CDH4: variants seen among roughly 807,000 people sequenced by gnomAD.
CDH4 encodes cadherin-4.
CDH4 carries 33 observed loss-of-function variants against 86.0 expected under a neutral mutation model. The observed-to-expected ratio is 0.38, with a 90% confidence interval of 0.29 to 0.51. The LOEUF is 0.51. Among genes scored for constraint, CDH4 ranks in the 20% least tolerant of loss-of-function variants. The pLI is 0.86. For synonymous variants in CDH4, 555 were observed against 549.4 expected (o/e 1.01, Z -0.14); for missense variants, 1,114 against 1,307.4 (o/e 0.85, Z 2.28).
chr20:61,268,173 G>A (rs946520729), intron 2 of CDH4, among the ~76,000 whole-genome samples: 9 of 152,256 alleles, frequency 5.9e-5, no homozygotes, highest in African/African-American at 1.9e-4. Context: ...GAATGGGAGC[G>A]GGCCTGGCTG....
chr20:61,421,128 G>A lies in CDH4; in HGVS notation c.169+166191G>A, dbSNP rs77787070. 4.3e-3 allele frequency among the ~76,000 whole-genome samples: 656 copies of A among 152,314 alleles called. 3 individuals carry two copies. Among genetic ancestry groups the A allele is most frequent in the African/African-American group, 0.015 (628 of 41,582 alleles). Reference sequence around the variant, plus strand: ...GGTCCTTGCAATGGGAGCCCTTACAGCCCTTTTCCGTGGGGACCCTGGCTG... The same window carrying A: ...GGTCCTTGCAATGGGAGCCCTTACAACCCTTTTCCGTGGGGACCCTGGCTG... On this transcript the variant is annotated intron_variant, in intron 2 of 15. Transcript: ENST00000614565.
intron 2 of CDH4, among the ~76,000 whole-genome samples, chr20:61,493,672 A>G (rs750272435): frequency 5.9e-5 from 9 of 152,168 alleles, no homozygotes; most frequent in Non-Finnish European, 1.3e-4. Flanking sequence ...TCTTGGGGCT[A>G]GTGGTCTTGT....
chr20:61,266,564 C>T (rs2084159349), intron 2 of CDH4, among the ~76,000 whole-genome samples: 1 of 151,854 alleles, frequency 6.6e-6, no homozygotes, highest in South Asian at 2.1e-4. Flanking sequence ...CCGACTTCCG[C>T]TTCCAGGAAG....
rs117528754 is a variant in CDH4, at chr20:61,828,996, A to G, written c.577-15672A>G. Among the ~76,000 whole-genome samples the G allele has an allele frequency of 7.2e-3, 1,089 of 152,048 alleles. 37 individuals are homozygous for G. The East Asian group carries it at 0.073, about 10-fold the overall frequency. On this transcript the variant is annotated intron_variant, in intron 4 of 15. Coordinates refer to ENST00000614565, the MANE Select transcript of CDH4 (RefSeq NM_001794.5). ...ATGCGCAGGTCACAACAGGGTCCAC[A>G]CTCCTGTGAGAGTCTAATGCCACCA...
chr20:61,724,955 A>G (rs577453079), intron 2 of CDH4, among the ~76,000 whole-genome samples: 1 of 152,224 alleles, frequency 6.6e-6, no homozygotes, highest in East Asian at 1.9e-4. Flanking sequence ...AACAAAAATA[A>G]TTAAAAATGA....
intron 2 of CDH4, among the ~76,000 whole-genome samples, chr20:61,682,354 A>ATGGATGGATGGATGGATGG (rs1355841988): frequency 3.0e-5 from 4 of 132,500 alleles, no homozygotes; most frequent in African/African-American, 1.3e-4. Flanking sequence ...AGATAGATGA[A>ATGGATGGATGGATGGATGG]TGGATGGATG....
At position 61,284,591 on chromosome 20, in the gene CDH4, C is replaced by A. The variant is rs201309452; in HGVS notation, c.169+29654C>A. Among the ~76,000 whole-genome samples the A allele has an allele frequency of 5.3e-5, 8 of 152,336 alleles. No homozygotes were observed. In the East Asian group the frequency reaches 1.5e-3, roughly 29 times the overall value. ...GTGTTTAACATATGCCCAACACATA[C>A]TTATAACATATGCCTAGCATGTGCT... On this transcript the variant is annotated intron_variant, in intron 2 of 15. Coordinates refer to ENST00000614565, the MANE Select transcript of CDH4 (RefSeq NM_001794.5).
chr20:61,574,812 G>A (rs550562449), intron 2 of CDH4, among the ~76,000 whole-genome samples: 2 of 152,260 alleles, frequency 1.3e-5, no homozygotes, highest in Admixed American at 6.5e-5. Context: ...CAAGTCCAGG[G>A]TTCTCATAGA....
chr20:61,809,898 G>A (rs1269847716), intron 4 of CDH4, among the ~76,000 whole-genome samples: 2 of 152,148 alleles, frequency 1.3e-5, no homozygotes, highest in African/African-American at 4.8e-5. Flanking sequence ...AGACCGTGGT[G>A]AAGAGCGTGT....
chr20:61,523,349 G>A (rs2085886917), intron 2 of CDH4, among the ~76,000 whole-genome samples: 1 of 152,238 alleles, frequency 6.6e-6, no homozygotes, highest in African/African-American at 2.4e-5. Flanking sequence ...TCTCTTGTCA[G>A]GTGACCATGC....
intron 2 of CDH4, among the ~76,000 whole-genome samples, chr20:61,506,806 G>A (rs2085744339): frequency 6.6e-6 from 1 of 152,142 alleles, no homozygotes; most frequent in Non-Finnish European, 1.5e-5. Flanking sequence ...GGAACTGCTG[G>A]GAGAAAGGAG....
At chr20:61,307,495 C>T (rs557318409) in intron 2 of CDH4, among the ~76,000 whole-genome samples, 1 of 152,376 alleles carries the variant, frequency 6.6e-6, no homozygotes, top group South Asian at 2.1e-4. Context: ...TACTAGGTCT[C>T]TGCCTAGGGG....
intron 9 of CDH4, among the ~76,000 whole-genome samples, chr20:61,922,169 C>T (rs989971666): frequency 1.3e-5 from 2 of 152,226 alleles, no homozygotes; most frequent in Admixed American, 1.3e-4. Context: ...GCAATGAATA[C>T]TCTTATGCAT....
At chr20:61,836,930 A>G (rs1412527961) in intron 4 of CDH4, among the ~76,000 whole-genome samples, 1 of 152,272 alleles carries the variant, frequency 6.6e-6, no homozygotes, top group Middle Eastern at 3.2e-3. Context: ...ACACTGGCCC[A>G]TGCCTATAAT....
In CDH4 at chr20:61,709,745, T is replaced by A. The variant is rs575803316; in HGVS notation, c.170-33818T>A. Among the ~76,000 whole-genome samples the A allele has an allele frequency of 6.6e-5, 10 of 152,294 alleles. No individual in the cohort carries two copies. Among genetic ancestry groups the A allele is most frequent in the African/African-American group, 2.2e-4 (9 of 41,564 alleles). On this transcript the variant is annotated intron_variant, in intron 2 of 15. Coordinates refer to ENST00000614565, the MANE Select transcript of CDH4 (RefSeq NM_001794.5). This position sits in a 1 kb window ranked among gnomAD's most constrained non-coding sequence, Gnocchi z 4.8. The stretch of plus-strand genomic sequence containing the variant: ...TCTACACACTTGCCACGTCCCCTGG[T>A]CCTCACGAAGCCCAAAATAGCAGGA...
At chr20:61,564,565 C>A (rs2086248798) in intron 2 of CDH4, among the ~76,000 whole-genome samples, 1 of 152,206 alleles carries the variant, frequency 6.6e-6, no homozygotes, top group African/African-American at 2.4e-5. Flanking sequence ...TCACCCTCCA[C>A]CATGATTGAA....
intron 4 of CDH4, among the ~76,000 whole-genome samples, chr20:61,817,407 G>A (rs1014694001): frequency 1.1e-4 from 17 of 152,172 alleles, no homozygotes; most frequent in Non-Finnish European, 2.4e-4. Context: ...TTCCCAGTTG[G>A]TCCGGGAAGG....
intron 2 of CDH4, among the ~76,000 whole-genome samples, chr20:61,467,656 A>G (rs145149247): frequency 6.6e-6 from 1 of 152,342 alleles, no homozygotes; most frequent in African/African-American, 2.4e-5. Flanking sequence ...CACAAAGAGC[A>G]GGAGACCTTC....
At chr20:61,797,918 G>A (rs1336296359) in intron 4 of CDH4, among the ~76,000 whole-genome samples, 1 of 152,230 alleles carries the variant, frequency 6.6e-6, no homozygotes, top group Non-Finnish European at 1.5e-5. Context: ...CGGACCGCAG[G>A]TTAGGGCAAG....
Sources: allele counts gnomAD v4.1 joint callset (sites outside exome capture counted in the v4.1 genomes callset), GRCh38; gene constraint gnomAD v4.1.1; non-coding constraint Gnocchi (gnomAD v3.1); transcripts MANE v1.5; gene names NCBI Gene and HGNC (gene_info 2026-07-23, HGNC 2026-07-21).